The following UNC13C variants were observed in gnomAD, a reference collection of about 807,000 sequenced individuals.
The protein encoded by UNC13C is unc-13 homolog C.
UNC13C carries 174 observed loss-of-function variants against 245.4 expected under a neutral mutation model. That is an observed-to-expected ratio of 0.71 (90% confidence interval 0.63 to 0.80). The LOEUF (loss-of-function observed/expected upper bound fraction) is 0.80, where lower values mean the gene tolerates loss of function less well. Ranked by LOEUF, UNC13C falls within the 30% of genes least tolerant of loss-of-function variation. The probability of loss-of-function intolerance (pLI) is 0.00; values close to 1 mark genes in which losing one functional copy is unlikely to be tolerated. For missense variants in UNC13C, 2,829 were observed against 2,602.9 expected (o/e 1.09, Z -1.89); for synonymous variants, 992 against 895.1 (o/e 1.11, Z -1.93).
chr15:54,500,796 A>G (rs764719684), intron 21 of UNC13C, 39 bp from the exon 22 acceptor site: 1 of 1,597,694 alleles, frequency 6.3e-7, no homozygotes, highest in Non-Finnish European at 8.5e-7. Context: ...TCCGCCTCTA[A>G]TGTACTGTTT....
At chr15:54,331,072 G>A (rs1331419251) in intron 14 of UNC13C, among the ~76,000 whole-genome samples, 1 of 151,974 alleles carries the variant, frequency 6.6e-6, no homozygotes, top group Non-Finnish European at 1.5e-5. Context: ...CGAGGCATAA[G>A]AGTTATATAC....
At chr15:54,487,399 T>C (rs924758080) in intron 19 of UNC13C, among the ~76,000 whole-genome samples, 1 of 152,142 alleles carries the variant, frequency 6.6e-6, no homozygotes, top group South Asian at 2.1e-4. Flanking sequence ...GAAAGAAACT[T>C]CTATATCTTT....
At chr15:53,931,396 T>C in the UNC13C span, among the ~76,000 whole-genome samples, 1 of 152,152 alleles carries the variant, frequency 6.6e-6, no homozygotes, top group South Asian at 2.1e-4. Flanking sequence ...CTCAAACTCC[T>C]GACCTCAAGT....
chr15:54,253,188 T>C (rs991857568), intron 8 of UNC13C, among the ~76,000 whole-genome samples: 5 of 152,182 alleles, frequency 3.3e-5, no homozygotes, highest in Non-Finnish European at 5.9e-5. Context: ...TTCAAATTGA[T>C]TTAAGTTAGG....
intron 19 of UNC13C, among the ~76,000 whole-genome samples, chr15:54,447,071 CT>C (rs1162935144): frequency 6.6e-6 from 1 of 152,096 alleles, no homozygotes. Context: ...GTCTTTTGTT[CT>C]GTTTATGTGC....
intron 13 of UNC13C, among the ~76,000 whole-genome samples, chr15:54,310,766 ATATCTATATC>A (rs1187973471): frequency 2.4e-4 from 36 of 150,826 alleles, no homozygotes; most frequent in Non-Finnish European, 3.0e-4. Flanking sequence ...ATCTATATCT[ATATCTATATC>A]TATATATATG....
chr15:53,866,409 T>C, the UNC13C span, among the ~76,000 whole-genome samples: 323 of 152,222 alleles, frequency 2.1e-3, no homozygotes, highest in Middle Eastern at 3.4e-3. Flanking sequence ...CAACACAATA[T>C]GCAACATCAG....
chr15:54,064,190 C>T (rs1393241716), intron 2 of UNC13C, among the ~76,000 whole-genome samples: 2 of 151,970 alleles, frequency 1.3e-5, no homozygotes, highest in Non-Finnish European at 2.9e-5. Context: ...GAAAATTGTT[C>T]AGAGTCACTA....
At chr15:54,139,085 G>A (rs1379356103) in intron 2 of UNC13C, among the ~76,000 whole-genome samples, 1 of 147,906 alleles carries the variant, frequency 6.8e-6, no homozygotes, top group Non-Finnish European at 1.5e-5. Context: ...TCAGCCTCCC[G>A]AATAGCTGGG....
intron 2 of UNC13C, among the ~76,000 whole-genome samples, chr15:54,127,862 A>G (rs934467399): frequency 1.3e-5 from 2 of 150,756 alleles, no homozygotes. Flanking sequence ...AGCTGGGACA[A>G]GACAAGAATA....
At chr15:54,369,199 C>CG (rs1567220259) in intron 17 of UNC13C, among the ~76,000 whole-genome samples, 1 of 136,166 alleles carries the variant, frequency 7.3e-6, no homozygotes, top group East Asian at 3.7e-4. Flanking sequence ...CCTCCCCCCC[C>CG]CAAAAAAAAA....
At chr15:54,049,787 T>A in intron 2 of UNC13C, 1 of 255,470 alleles carries the variant, frequency 3.9e-6, no homozygotes. Flanking sequence ...ATTCTCCATC[T>A]GGAGCCCAGG....
intron 14 of UNC13C, among the ~76,000 whole-genome samples, chr15:54,325,699 T>C (rs2038282896): frequency 6.6e-6 from 1 of 152,074 alleles, no homozygotes; most frequent in African/African-American, 2.4e-5. Context: ...CTGAGAATGA[T>C]GTCTAAAATT....
At chr15:54,570,120 C>T (rs1897689632) in intron 30 of UNC13C, among the ~76,000 whole-genome samples, 1 of 152,158 alleles carries the variant, frequency 6.6e-6, no homozygotes, top group Non-Finnish European at 1.5e-5. Context: ...CATCCAAACG[C>T]TGGTCTCTCG....
At chr15:54,317,074 G>T (rs567552111) in intron 13 of UNC13C, among the ~76,000 whole-genome samples, 2 of 151,842 alleles carry the variant, frequency 1.3e-5, no homozygotes, top group African/African-American at 2.4e-5. Context: ...GAAAAAAATG[G>T]TTAAATACTA....
At chr15:54,292,626 A>G (rs8034470) in intron 10 of UNC13C, among the ~76,000 whole-genome samples, 149,945 of 151,870 alleles carry the variant, frequency 0.99, 74,148 homozygotes, top group Middle Eastern at 1. Context: ...TGAAAACCAT[A>G]GATGTCTTTT....
At chr15:54,169,163 A>G (rs1464040153) in intron 4 of UNC13C, among the ~76,000 whole-genome samples, 6 of 152,306 alleles carry the variant, frequency 3.9e-5, no homozygotes, top group South Asian at 4.1e-4. Context: ...AAGTTTTTCA[A>G]ATTAGACGAA....
intron 19 of UNC13C, among the ~76,000 whole-genome samples, chr15:54,443,276 G>A (rs1890630493): frequency 6.6e-6 from 1 of 151,664 alleles, no homozygotes; most frequent in Non-Finnish European, 1.5e-5. Flanking sequence ...TTTCAATTTT[G>A]ACTTTGTTTA....
the UNC13C span, among the ~76,000 whole-genome samples, chr15:53,897,275 A>T: frequency 6.6e-6 from 1 of 152,230 alleles, no homozygotes; most frequent in South Asian, 2.1e-4. Flanking sequence ...AGAATCAGTG[A>T]GTCCTCAATG....
Sources: allele counts gnomAD v4.1 joint callset (sites outside exome capture counted in the v4.1 genomes callset), GRCh38; gene constraint gnomAD v4.1.1; transcripts MANE v1.5; gene names NCBI Gene and HGNC (gene_info 2026-07-23, HGNC 2026-07-21).